ARB2A: variants seen among roughly 807,000 people sequenced by gnomAD.
ARB2A encodes the protein ARB2 cotranscriptional regulator A.
the ARB2A span, among the ~76,000 whole-genome samples, chr5:93,997,158 C>T: frequency 1.3e-5 from 2 of 152,002 alleles, no homozygotes; most frequent in African/African-American, 2.4e-5. Context: ...TTCCAGTTAT[C>T]AATATGCTAT....
chr5:93,886,393 T>A, the ARB2A span, among the ~76,000 whole-genome samples: 1 of 151,706 alleles, frequency 6.6e-6, no homozygotes, highest in African/African-American at 2.4e-5. Context: ...AATTTATCAA[T>A]CATATTTCTC....
chr5:93,741,998 C>T, the ARB2A span, among the ~76,000 whole-genome samples: 1 of 152,138 alleles, frequency 6.6e-6, no homozygotes, highest in Non-Finnish European at 1.5e-5. Flanking sequence ...GACGACCCCT[C>T]AATTCATAAA....
the ARB2A span, among the ~76,000 whole-genome samples, chr5:93,902,564 T>C: frequency 1.3e-5 from 2 of 152,074 alleles, no homozygotes; most frequent in African/African-American, 4.8e-5. Context: ...ACATAGGCCA[T>C]AAAAAGAATA....
chr5:93,673,690 T>G, the ARB2A span, among the ~76,000 whole-genome samples: 1 of 152,202 alleles, frequency 6.6e-6, no homozygotes, highest in Non-Finnish European at 1.5e-5. Context: ...GGTGTTAGTT[T>G]AGGTTTGTCA....
the ARB2A span, among the ~76,000 whole-genome samples, chr5:93,883,936 C>T: frequency 6.7e-6 from 1 of 150,302 alleles, no homozygotes; most frequent in African/African-American, 2.4e-5. Flanking sequence ...CACACACACA[C>T]ACACACACAC....
the ARB2A span, among the ~76,000 whole-genome samples, chr5:93,773,386 A>G: frequency 6.6e-6 from 1 of 152,196 alleles, no homozygotes; most frequent in South Asian, 2.1e-4. Flanking sequence ...CACAATGGGT[A>G]ATAAGTAGTA....
chr5:93,858,747 T>G, the ARB2A span, among the ~76,000 whole-genome samples: 6 of 152,238 alleles, frequency 3.9e-5, no homozygotes, highest in Non-Finnish European at 8.8e-5. Context: ...ATAATTGTTA[T>G]GGTTATTTAC....
the ARB2A span, among the ~76,000 whole-genome samples, chr5:94,053,631 T>C: frequency 6.6e-6 from 1 of 152,226 alleles, no homozygotes. Flanking sequence ...AGTATTAATA[T>C]AGCATATTAT....
chr5:93,948,667 A>C, the ARB2A span, among the ~76,000 whole-genome samples: 1 of 152,110 alleles, frequency 6.6e-6, no homozygotes, highest in African/African-American at 2.4e-5. Flanking sequence ...TCTTTAATCC[A>C]TCTTGAATTA....
chr5:94,001,386 T>G, the ARB2A span, among the ~76,000 whole-genome samples: 1 of 152,144 alleles, frequency 6.6e-6, no homozygotes, highest in Non-Finnish European at 1.5e-5. Context: ...GTGGAAATTT[T>G]CAGTCATTAT....
the ARB2A span, among the ~76,000 whole-genome samples, chr5:93,986,152 C>A: frequency 6.7e-6 from 1 of 149,532 alleles, no homozygotes; most frequent in Non-Finnish European, 1.5e-5. Context: ...CCGGCCGCCA[C>A]CCAGTCTGGG....
At chr5:93,788,879 G>C in the ARB2A span, among the ~76,000 whole-genome samples, 1 of 152,134 alleles carries the variant, frequency 6.6e-6, no homozygotes, top group Non-Finnish European at 1.5e-5. Flanking sequence ...CAACCTAAAG[G>C]AGAAAGAAAC....
At chr5:93,974,809 A>C in the ARB2A span, among the ~76,000 whole-genome samples, 1 of 152,208 alleles carries the variant, frequency 6.6e-6, no homozygotes, top group Non-Finnish European at 1.5e-5. Context: ...TAAAAATAGA[A>C]ATCAACACCA....
the ARB2A span, among the ~76,000 whole-genome samples, chr5:94,048,960 C>T: frequency 6.6e-6 from 1 of 152,120 alleles, no homozygotes; most frequent in Non-Finnish European, 1.5e-5. Flanking sequence ...ATGATATATT[C>T]TTCATGCTAT....
the ARB2A span, among the ~76,000 whole-genome samples, chr5:93,946,689 G>A: frequency 1.1e-4 from 16 of 152,188 alleles, no homozygotes; most frequent in African/African-American, 3.9e-4. Flanking sequence ...CTAAGGAACA[G>A]GACTAACAGG....
At chr5:94,028,757 T>G in the ARB2A span, among the ~76,000 whole-genome samples, 2,046 of 152,296 alleles carry the variant, frequency 0.013, 22 homozygotes, top group Non-Finnish European at 0.018. Context: ...CTGTGGGGTT[T>G]TTTTCTCTGT....
the ARB2A span, among the ~76,000 whole-genome samples, chr5:93,718,973 T>G: frequency 6.6e-6 from 1 of 152,198 alleles, no homozygotes; most frequent in Non-Finnish European, 1.5e-5. Context: ...ATGCCTGATT[T>G]CCATTCTTTA....
chr5:93,795,840 T>C, the ARB2A span, among the ~76,000 whole-genome samples: 1 of 49,852 alleles, frequency 2.0e-5, no homozygotes. Flanking sequence ...CAGAAGACTA[T>C]TGAAAAGCAA....
At chr5:93,667,917 GATA>G in the ARB2A span, among the ~76,000 whole-genome samples, 1 of 152,162 alleles carries the variant, frequency 6.6e-6, no homozygotes, top group African/African-American at 2.4e-5. Flanking sequence ...ACTTTAAAGA[GATA>G]AAGTTTGGAT....
Sources: allele counts gnomAD v4.1 joint callset (sites outside exome capture counted in the v4.1 genomes callset), GRCh38; gene constraint gnomAD v4.1.1; transcripts MANE v1.5; gene names NCBI Gene and HGNC (gene_info 2026-07-23, HGNC 2026-07-21).